HABP2: variants seen among roughly 807,000 people sequenced by gnomAD.
HABP2 encodes the protein hyaluronan binding protein 2.
A neutral mutation model predicts 66.5 loss-of-function variants in HABP2; 65 were observed. That is an observed-to-expected ratio of 0.98 (90% CI 0.80 to 1.20). HABP2 has a LOEUF of 1.20. HABP2 is among the 50% of genes most tolerant of loss of function. The pLI, the probability that HABP2 is intolerant of heterozygous loss-of-function variation, is 0.00. For synonymous variants in HABP2, 263 were observed against 253.9 expected (o/e 1.04, Z -0.34); for missense variants, 786 against 691.0 (o/e 1.14, Z -1.54).
upstream of HABP2, among the ~76,000 whole-genome samples, chr10:113,551,975 G>A (rs1370538837): frequency 6.6e-6 from 1 of 152,112 alleles, no homozygotes; most frequent in Non-Finnish European, 1.5e-5. Flanking sequence ...TAATGTGGAA[G>A]TCATTTAGGA....
chr10:113,577,125 G>A (rs376607246), intron 4 of HABP2, 25 bp from the exon 5 acceptor site: 11 of 1,275,606 alleles, frequency 8.6e-6, no homozygotes, highest in South Asian at 4.8e-5. Flanking sequence ...CCCAAATAAT[G>A]TCTTATGTTA....
Position 113,582,278 on chromosome 10 carries a change from G to A in HABP2, c.1094+147G>A, listed in dbSNP as rs557683480. ...AAAAGAAGGGCTCCTGAAAGCCAGA[G>A]GGAAAATAGCTACCATGTCTGGAAT... On this transcript the variant is annotated intron_variant, in intron 9 of 12. Transcript: ENST00000351270. 2.7e-5 allele frequency: 18 copies of A among 673,548 alleles called. No homozygotes were observed. The South Asian group carries it at 4.1e-4, about 15-fold the overall frequency. 41.7% of individuals were successfully genotyped at this position (673,548 alleles called of 1,614,324 possible).
At chr10:113,568,211 C>T (rs879308697) in intron 2 of HABP2, among the ~76,000 whole-genome samples, 3 of 152,246 alleles carry the variant, frequency 2.0e-5, no homozygotes, top group Non-Finnish European at 4.4e-5. Flanking sequence ...GTTCGAGTCT[C>T]CCTTTGCAGC....
In HABP2 at chr10:113,582,035, C is replaced by T; in HGVS notation, c.998C>T (p.Ser333Phe). The change falls in exon 9 of 13, where the codon TCC becomes TTC. Residue 333 changes from serine (S) to phenylalanine (F), a missense_variant. Coordinates refer to ENST00000351270, the MANE Select transcript of HABP2 (RefSeq NM_004132.5). ...GKHPWQASLQ[S>F]SLPLTISMPQ... ...CACCCATGGCAGGCGTCCCTCCAGT[C>T]CTCGCTGCCTCTGACCATCTCCATG... The T allele has an allele frequency of 6.2e-7, 1 of 1,613,994 alleles. No homozygotes were observed. The highest frequency in any genetic ancestry group is 8.5e-7 in the Non-Finnish European group (1 of 1,179,978).
rs764882534 is a variant in HABP2 at position 113,582,098 on chromosome 10, C to G, written c.1061C>G (p.Pro354Arg). 2 of 1,610,002 alleles carry G rather than the reference C, an allele frequency of 1.2e-6. No individual in the cohort carries two copies. The highest frequency in any genetic ancestry group is 1.7e-5 in the Admixed American group (1 of 59,968). Residue 354 changes from proline to arginine, a missense_variant, in exon 9 of 13, where the codon CCC becomes CGC. Physicochemically the swap from Pro to Arg is moderately radical, Grantham distance 103 (BLOSUM62 -2). Transcript: ENST00000351270. ...GHFCGGALIH[P>R]CWVLTAAHCT... ...TTCTGTGGTGGGGCGCTGATCCACC[C>G]CTGCTGGGTGCTCACTGCTGCCCAC...
intron 8 of HABP2, among the ~76,000 whole-genome samples, chr10:113,581,598 A>ATG (rs1564679750): frequency 2.0e-5 from 3 of 152,238 alleles, no homozygotes; most frequent in African/African-American, 7.2e-5. Flanking sequence ...CATAAACATA[A>ATG]TGTGTGTGTG....
At chr10:113,565,653 C>T (rs2419814) in intron 1 of HABP2, among the ~76,000 whole-genome samples, 81,320 of 152,076 alleles carry the variant, frequency 0.53, 22,780 homozygotes, top group East Asian at 0.68. Context: ...AATTTCAGCA[C>T]GAGGTTTGGA....
At position 113,588,828 on chromosome 10, in the gene HABP2, T is replaced by A; in HGVS notation, c.*459T>A. On this transcript the variant is annotated 3_prime_UTR_variant, in exon 13 of 13. Transcript: ENST00000351270. Reference sequence around the variant, plus strand: ...AGGACCACAAATACAACATTCTCCATCTGCTTTCAGAGTTATTATTTTAAT... The same window carrying A: ...AGGACCACAAATACAACATTCTCCAACTGCTTTCAGAGTTATTATTTTAAT... 1 of 671,890 alleles carries A rather than the reference T, an allele frequency of 1.5e-6. No individual in the cohort carries two copies. Among genetic ancestry groups the A allele is most frequent in the Non-Finnish European group, 2.7e-6 (1 of 376,726 alleles). The allele number at this position is 671,890 out of a possible 1,614,324, so 41.6% of individuals were successfully genotyped here. A position where few individuals can be genotyped will look rare whatever the true frequency, so the allele number is the denominator to read the frequency against.
chr10:113,560,529 G>A (rs370221266), intron 1 of HABP2, among the ~76,000 whole-genome samples: 1 of 152,168 alleles, frequency 6.6e-6, no homozygotes, highest in African/African-American at 2.4e-5. Context: ...GTACATATCT[G>A]AAAGAACTGA....
In HABP2 at chr10:113,589,384, A is replaced by C; in HGVS notation, c.*1015A>C. 1.7e-6 allele frequency: 1 copy of C among 572,586 alleles called. No homozygotes were observed. The highest frequency in any genetic ancestry group is 3.1e-6 in the Non-Finnish European group (1 of 323,856). 35.5% of individuals were successfully genotyped at this position (572,586 alleles called of 1,614,324 possible). A position where few individuals can be genotyped will look rare whatever the true frequency, so the allele number is the denominator to read the frequency against. ...AATGTAACGAGCAAGCAGTCAGCAC[A>C]GCCTGGGCTGCCCTGGCCCGGGATT... On this transcript the variant is annotated 3_prime_UTR_variant, in exon 13 of 13. Transcript: ENST00000351270.
chr10:113,584,002 TATGAA>T lies in HABP2; in HGVS notation c.1238-141_1238-137del, dbSNP rs1328472918. 3 of 631,362 alleles carry T rather than the reference TATGAA, an allele frequency of 4.8e-6. No homozygotes were observed. The African/African-American group carries it at 5.5e-5, about 12-fold the overall frequency. The allele number at this position is 631,362 out of a possible 1,614,324, so 39.1% of individuals were successfully genotyped here. A position where few individuals can be genotyped will look rare whatever the true frequency, so the allele number is the denominator to read the frequency against. Reference sequence around the variant, plus strand: ...CTCCTTCCTGGGTGGAAGTTCAAAATATGAAATGACCACGGAAGAAGATTTTCAGG... The same window carrying T: ...CTCCTTCCTGGGTGGAAGTTCAAAATATGACCACGGAAGAAGATTTTCAGG... On this transcript the variant is annotated intron_variant, in intron 10 of 12. Coordinates refer to ENST00000351270, the MANE Select transcript of HABP2 (RefSeq NM_004132.5).
chr10:113,577,053 A>G (rs542044930), intron 4 of HABP2, 97 bp from the exon 5 acceptor site: 1 of 756,584 alleles, frequency 1.3e-6, no homozygotes, highest in South Asian at 1.5e-5. Flanking sequence ...GGCTACAGAC[A>G]CTGTCAGTCA....
intron 2 of HABP2, among the ~76,000 whole-genome samples, chr10:113,570,697 A>T (rs1845291082): frequency 6.6e-6 from 1 of 152,246 alleles, no homozygotes; most frequent in African/African-American, 2.4e-5. Flanking sequence ...TTTCTTACTG[A>T]AATTCCCTAT....
chr10:113,551,834 G>C (rs767454097), upstream of HABP2, among the ~76,000 whole-genome samples: 3 of 151,676 alleles, frequency 2.0e-5, no homozygotes, highest in Non-Finnish European at 4.4e-5. Flanking sequence ...ATAATAAAAA[G>C]AAAAAGGGAC....
At position 113,580,623 on chromosome 10, in the gene HABP2, T is replaced by A; in HGVS notation, c.769T>A (p.Cys257Ser). The stretch of plus-strand genomic sequence containing the variant: ...CCCAGATGCGGACGAAAAGCCCTGG[T>A]GCTTTATTAAAGTTACCAATGACAA... The part of the protein sequence containing the change: ...RNPDADEKPW[C>S]FIKVTNDKVK... Residue 257 changes from cysteine (C) to serine (S), a missense_variant, in exon 8 of 13, where the codon TGC becomes AGC. Transcript: ENST00000351270. 6.3e-7 allele frequency: 1 copy of A among 1,597,356 alleles called. No individual in the cohort carries two copies. Among genetic ancestry groups the A allele is most frequent in the Non-Finnish European group, 8.6e-7 (1 of 1,164,820 alleles).
At chr10:113,568,688 G>T (rs1305536370) in intron 2 of HABP2, among the ~76,000 whole-genome samples, 1 of 152,184 alleles carries the variant, frequency 6.6e-6, no homozygotes, top group Non-Finnish European at 1.5e-5. Context: ...AGTCCAGGGA[G>T]GAGCCAAGAC....
At chr10:113,564,590 T>A (rs1191998079) in intron 1 of HABP2, among the ~76,000 whole-genome samples, 2 of 152,200 alleles carry the variant, frequency 1.3e-5, no homozygotes, top group Non-Finnish European at 2.9e-5. Context: ...CAGTCCCCGA[T>A]AACAAATGAC....
intron 2 of HABP2, 53 bp from the exon 3 acceptor site, chr10:113,574,236 C>A: frequency 1.1e-6 from 1 of 885,278 alleles, no homozygotes; most frequent in South Asian, 1.4e-5. Flanking sequence ...AAAATGCTGG[C>A]CTATTTGAGT....
intron 11 of HABP2, among the ~76,000 whole-genome samples, chr10:113,585,040 A>T (rs1845608649): frequency 6.6e-6 from 1 of 152,242 alleles, no homozygotes; most frequent in Admixed American, 6.5e-5. Context: ...GAATAGCGAG[A>T]ATCACGATAA....
Sources: gnomAD v4.1 joint callset for allele counts (sites outside exome capture counted in the v4.1 genomes callset) on GRCh38, gnomAD v4.1.1 for gene constraint, MANE v1.5 for transcripts, NCBI Gene and HGNC (gene_info 2026-07-23, HGNC 2026-07-21) for gene names.